The following ARHGAP28 variants were observed in gnomAD, a reference collection of about 807,000 sequenced individuals.
ARHGAP28 encodes rho GTPase-activating protein 28.
A neutral mutation model predicts 90.7 loss-of-function variants in ARHGAP28; 56 were observed. That is an observed-to-expected ratio of 0.62 (90% confidence interval 0.50 to 0.77). The LOEUF (loss-of-function observed/expected upper bound fraction) is 0.77, where lower values mean the gene tolerates loss of function less well. ARHGAP28 is among the 30% of genes least tolerant of loss of function. The pLI is 0.00. For synonymous variants in ARHGAP28, 308 were observed against 323.3 expected (o/e 0.95, Z 0.51); for missense variants, 869 against 900.9 (o/e 0.96, Z 0.45).
At chr18:6,867,640 A>G (rs1339267687) in intron 5 of ARHGAP28, among the ~76,000 whole-genome samples, 1 of 152,158 alleles carries the variant, frequency 6.6e-6, no homozygotes, top group East Asian at 1.9e-4. Flanking sequence ...TAGAAAAGAT[A>G]CCTAATATTT....
chr18:6,911,981 A>G, intron 17 of ARHGAP28, 79 bp from the exon 18 acceptor site: 1 of 849,952 alleles, frequency 1.2e-6, no homozygotes. Flanking sequence ...AACCTCACAA[A>G]CACACACAGA....
At chr18:6,847,946 A>G (rs2056879478) in intron 3 of ARHGAP28, among the ~76,000 whole-genome samples, 1 of 152,156 alleles carries the variant, frequency 6.6e-6, no homozygotes, top group Admixed American at 6.5e-5. Flanking sequence ...GTAATGTAGG[A>G]CAAGATTAAT....
intron 1 of ARHGAP28, among the ~76,000 whole-genome samples, chr18:6,768,234 C>A (rs1454777658): frequency 6.6e-6 from 1 of 151,916 alleles, no homozygotes; most frequent in Non-Finnish European, 1.5e-5. Flanking sequence ...CTTTTTATGT[C>A]CTTATGTGCT....
At chr18:6,803,633 A>C (rs999011119) in intron 1 of ARHGAP28, among the ~76,000 whole-genome samples, 4 of 152,110 alleles carry the variant, frequency 2.6e-5, no homozygotes, top group African/African-American at 9.7e-5. Context: ...CAATTTTCTG[A>C]AAGAGTTTTT....
intron 1 of ARHGAP28, among the ~76,000 whole-genome samples, chr18:6,816,057 G>A (rs928838403): frequency 3.3e-5 from 5 of 152,150 alleles, no homozygotes; most frequent in African/African-American, 9.7e-5. Context: ...CTATTTACCT[G>A]TTCATGAAAG....
intron 2 of ARHGAP28, among the ~76,000 whole-genome samples, chr18:6,826,700 T>TA (rs1184914750): frequency 6.7e-6 from 1 of 149,182 alleles, no homozygotes; most frequent in Non-Finnish European, 1.5e-5. Flanking sequence ...TTTTTTTTTT[T>TA]TTTTTTATTG....
chr18:6,910,988 G>A (rs1373429995), intron 17 of ARHGAP28, among the ~76,000 whole-genome samples: 1 of 151,900 alleles, frequency 6.6e-6, no homozygotes, highest in Non-Finnish European at 1.5e-5. Flanking sequence ...GGGATTACAG[G>A]CGCCCATCAC....
chr18:6,868,604 G>C (rs981340783), intron 6 of ARHGAP28, among the ~76,000 whole-genome samples: 1 of 40,582 alleles, frequency 2.5e-5, no homozygotes, highest in African/African-American at 6.3e-5. Context: ...CAGCACCAGA[G>C]CAGCTTGCCC....
intron 16 of ARHGAP28, among the ~76,000 whole-genome samples, chr18:6,904,677 A>T (rs976271780): frequency 1.6e-4 from 24 of 152,196 alleles, no homozygotes; most frequent in African/African-American, 5.5e-4. Context: ...TAAAATTGAT[A>T]AACTCCTAGA....
intron 1 of ARHGAP28, among the ~76,000 whole-genome samples, chr18:6,737,160 A>G (rs549878271): frequency 2.0e-5 from 3 of 152,220 alleles, no homozygotes; most frequent in Non-Finnish European, 2.9e-5. Context: ...AATTTTGGAA[A>G]TAAATTCTAT....
intron 1 of ARHGAP28, among the ~76,000 whole-genome samples, chr18:6,741,960 A>C (rs7230247): frequency 0.029 from 4,464 of 152,244 alleles, 221 homozygotes; most frequent in African/African-American, 0.099. Flanking sequence ...AGTAGACCAC[A>C]AAGAGCTGGA....
At chr18:6,855,695 G>C (rs375130581) in intron 4 of ARHGAP28, among the ~76,000 whole-genome samples, 1 of 152,214 alleles carries the variant, frequency 6.6e-6, no homozygotes, top group African/African-American at 2.4e-5. Flanking sequence ...CCTTTGGGGA[G>C]CCCAGACCTA....
chr18:6,854,694 T>C (rs138749430), intron 4 of ARHGAP28, among the ~76,000 whole-genome samples: 1 of 152,176 alleles, frequency 6.6e-6, no homozygotes, highest in African/African-American at 2.4e-5. Context: ...GTGGGAGCCC[T>C]GCCCCCTGCT....
chr18:6,847,630 GGT>G (rs60063372), intron 3 of ARHGAP28, among the ~76,000 whole-genome samples: 15 of 150,346 alleles, frequency 1.0e-4, no homozygotes, highest in African/African-American at 2.2e-4. Flanking sequence ...AGAGAGTGGG[GGT>G]GTGTGTGTGT....
chr18:6,900,435 G>A (rs541658225), intron 16 of ARHGAP28, among the ~76,000 whole-genome samples: 2 of 152,206 alleles, frequency 1.3e-5, no homozygotes, highest in East Asian at 3.9e-4. Flanking sequence ...AAATGAAAAA[G>A]TAGAAAATAT....
At chr18:6,885,408 T>C (rs1246898420) in intron 11 of ARHGAP28, among the ~76,000 whole-genome samples, 1 of 152,144 alleles carries the variant, frequency 6.6e-6, no homozygotes, top group African/African-American at 2.4e-5. Context: ...TCCCTCTCAA[T>C]ACCCTCAAAT....
At chr18:6,753,982 C>G (rs985580348) in intron 1 of ARHGAP28, among the ~76,000 whole-genome samples, 1 of 152,144 alleles carries the variant, frequency 6.6e-6, no homozygotes, top group Non-Finnish European at 1.5e-5. Flanking sequence ...ACATCAATAG[C>G]TCTAAAATAT....
intron 2 of ARHGAP28, among the ~76,000 whole-genome samples, chr18:6,828,721 G>A (rs1484745617): frequency 6.6e-6 from 1 of 152,184 alleles, no homozygotes; most frequent in East Asian, 1.9e-4. Context: ...GAAGATGGAA[G>A]AGTGGGGAAT....
At chr18:6,869,452 C>T (rs971935950) in intron 6 of ARHGAP28, among the ~76,000 whole-genome samples, 3 of 151,398 alleles carry the variant, frequency 2.0e-5, no homozygotes, top group Non-Finnish European at 2.9e-5. Context: ...GTAGAGACGG[C>T]GTTTCTCTAT....
Sources: allele counts gnomAD v4.1 joint callset (sites outside exome capture counted in the v4.1 genomes callset), GRCh38; gene constraint gnomAD v4.1.1; transcripts MANE v1.5; gene names NCBI Gene and HGNC (gene_info 2026-07-23, HGNC 2026-07-21).